The following GMDS variants were observed in gnomAD, a reference collection of about 807,000 sequenced individuals.
GMDS encodes GDP-mannose 4,6-dehydratase.
In GMDS, 20 loss-of-function variants were observed where a neutral mutation model predicts 49.9. That is an observed-to-expected ratio of 0.40 (90% CI 0.28 to 0.58). The LOEUF is 0.58. GMDS is among the 20% of genes least tolerant of loss of function. GMDS has a pLI of 0.42. For synonymous variants in GMDS, 177 were observed against 178.6 expected (o/e 0.99, Z 0.07); for missense variants, 362 against 481.4 (o/e 0.75, Z 2.32).
Position 2,117,470 on chromosome 6 carries a change from T to A in GMDS, c.234A>T (p.Gly78=). ...LYKNPQAHIE[G]NMKLHYGDLT... ...TTCTAGAAAAAGAAAATGACTTACT[T>A]CCTTCAATGTGAGCCTGGGGATTCT... The change falls in exon 3 of 11, where the codon GGA becomes GGT. Residue 78 remains glycine, a splice_region_variant and synonymous_variant. Transcript: ENST00000380815. 6.5e-7 allele frequency: 1 copy of A among 1,535,474 alleles called. No individual in the cohort carries two copies. The highest frequency in any genetic ancestry group is 9.0e-7 in the Non-Finnish European group (1 of 1,108,294).
chr6:2,034,374 T>C (rs1427821629), intron 4 of GMDS, among the ~76,000 whole-genome samples: 1 of 152,144 alleles, frequency 6.6e-6, no homozygotes, highest in Non-Finnish European at 1.5e-5. Context: ...ACAAAGTACA[T>C]TTGTGGTTGC....
chr6:2,001,776 C>T (rs544561435), intron 4 of GMDS, among the ~76,000 whole-genome samples: 52 of 152,234 alleles, frequency 3.4e-4, no homozygotes, highest in Non-Finnish European at 6.8e-4. Flanking sequence ...TTGCTAGGAC[C>T]ATTCAGTGGG....
chr6:1,820,768 T>C (rs1371189874), intron 7 of GMDS, among the ~76,000 whole-genome samples: 1 of 152,254 alleles, frequency 6.6e-6, no homozygotes, highest in African/African-American at 2.4e-5. Context: ...GTTTACATAG[T>C]GCTTTATAAC....
At chr6:2,136,201 T>C (rs1032268661) in intron 1 of GMDS, among the ~76,000 whole-genome samples, 1 of 152,238 alleles carries the variant, frequency 6.6e-6, no homozygotes, top group African/African-American at 2.4e-5. Flanking sequence ...CATGACTATA[T>C]TTTACACTTA....
chr6:2,057,813 A>T (rs903202686), intron 4 of GMDS, among the ~76,000 whole-genome samples: 2 of 152,200 alleles, frequency 1.3e-5, no homozygotes, highest in Non-Finnish European at 2.9e-5. Context: ...ATTCTGTATC[A>T]ATGCTGTCCA....
intron 7 of GMDS, among the ~76,000 whole-genome samples, chr6:1,920,871 G>A (rs562537668): frequency 6.6e-6 from 1 of 152,290 alleles, no homozygotes; most frequent in South Asian, 2.1e-4. Flanking sequence ...GCTAACCTAA[G>A]TGTGAACAGT....
intron 4 of GMDS, among the ~76,000 whole-genome samples, chr6:2,017,128 A>G (rs1767951287): frequency 6.6e-6 from 1 of 152,180 alleles, no homozygotes; most frequent in South Asian, 2.1e-4. Context: ...TGAAAAGATC[A>G]ATAAAATGAA....
intron 4 of GMDS, among the ~76,000 whole-genome samples, chr6:2,062,846 AAATT>A (rs1231728606): frequency 6.6e-6 from 1 of 152,254 alleles, no homozygotes; most frequent in African/African-American, 2.4e-5. Context: ...GATTTGGGAC[AAATT>A]AATTAATGTT....
chr6:1,955,529 C>CG (rs1763586194), intron 6 of GMDS, among the ~76,000 whole-genome samples: 1 of 152,170 alleles, frequency 6.6e-6, no homozygotes, highest in Non-Finnish European at 1.5e-5. Context: ...GCTCCCATTT[C>CG]ATAAGAAGCA....
intron 4 of GMDS, among the ~76,000 whole-genome samples, chr6:1,997,596 C>T (rs1351606369): frequency 6.7e-6 from 1 of 150,118 alleles, no homozygotes; most frequent in Non-Finnish European, 1.5e-5. Flanking sequence ...GTGCAGAAAA[C>T]TCCTCCTCAA....
At chr6:1,961,129 T>C (rs1350110228) in intron 4 of GMDS, among the ~76,000 whole-genome samples, 163 bp from the exon 5 acceptor site, 3 of 152,242 alleles carry the variant, frequency 2.0e-5, no homozygotes, top group Non-Finnish European at 4.4e-5. Context: ...ACATACAGTA[T>C]CAAATTGCTA....
intron 1 of GMDS, among the ~76,000 whole-genome samples, chr6:2,177,569 A>G (rs747152014): frequency 7.9e-5 from 12 of 152,196 alleles, no homozygotes; most frequent in Non-Finnish European, 1.6e-4. Context: ...GATTCACCAC[A>G]TAAAGAGAAT....
At chr6:2,078,195 A>G (rs1478075894) in intron 4 of GMDS, among the ~76,000 whole-genome samples, 3 of 151,906 alleles carry the variant, frequency 2.0e-5, no homozygotes, top group African/African-American at 4.8e-5. Context: ...GTGATTTATC[A>G]ATTTTGTGTC....
chr6:1,690,158 A>G (rs1411475155), intron 9 of GMDS, among the ~76,000 whole-genome samples: 2 of 152,202 alleles, frequency 1.3e-5, no homozygotes, highest in Admixed American at 1.3e-4. Flanking sequence ...ACCCATTTAC[A>G]TATACAAATA....
intron 2 of GMDS, among the ~76,000 whole-genome samples, chr6:2,119,706 T>G (rs1175721122): frequency 6.6e-6 from 1 of 152,132 alleles, no homozygotes; most frequent in Non-Finnish European, 1.5e-5. Context: ...GGAACCAAAC[T>G]GAAAAGATAA....
chr6:2,021,869 G>C (rs1300976882), intron 4 of GMDS, among the ~76,000 whole-genome samples: 1 of 152,208 alleles, frequency 6.6e-6, no homozygotes, highest in African/African-American at 2.4e-5. Flanking sequence ...TCCTCAGCTG[G>C]ATAGTCTTGA....
At chr6:1,956,375 A>G (rs1023387690) in intron 6 of GMDS, among the ~76,000 whole-genome samples, 1 of 152,242 alleles carries the variant, frequency 6.6e-6, no homozygotes, top group African/African-American at 2.4e-5. Flanking sequence ...CATGAGTCCT[A>G]GATTGTCAAC....
intron 1 of GMDS, among the ~76,000 whole-genome samples, chr6:2,171,859 A>G (rs1778022909): frequency 6.6e-6 from 1 of 152,210 alleles, no homozygotes; most frequent in Non-Finnish European, 1.5e-5. Flanking sequence ...AAGGAGATGA[A>G]CAAAATAAGG....
chr6:1,937,409 G>A (rs1055802210), intron 6 of GMDS, among the ~76,000 whole-genome samples: 1 of 152,184 alleles, frequency 6.6e-6, no homozygotes, highest in African/African-American at 2.4e-5. Flanking sequence ...TAAATTAACT[G>A]TTAAGGACTA....
Sources: allele counts gnomAD v4.1 joint callset (sites outside exome capture counted in the v4.1 genomes callset), GRCh38; gene constraint gnomAD v4.1.1; transcripts MANE v1.5; gene names NCBI Gene and HGNC (gene_info 2026-07-23, HGNC 2026-07-21).